The following FAM83D variants were observed in gnomAD, a reference collection of about 807,000 sequenced individuals.
FAM83D encodes the protein scaffolding CK1 anchoring protein D.
FAM83D carries 26 observed loss-of-function variants against 25.4 expected under a neutral mutation model. The observed-to-expected ratio is 1.02, with a 90% CI of 0.75 to 1.42. The LOEUF (loss-of-function observed/expected upper bound fraction) is 1.42. FAM83D is among the 40% of genes most tolerant of loss of function. The pLI is 0.00. For synonymous variants in FAM83D, 310 were observed against 318.5 expected, an observed-to-expected ratio of 0.97 and a Z score of 0.28; for missense variants, 740 against 758.1, an observed-to-expected ratio of 0.98 and a Z score of 0.28.
intron 2 of FAM83D, among the ~76,000 whole-genome samples, chr20:38,945,106 C>T (rs2085721311): frequency 6.6e-6 from 1 of 152,236 alleles, no homozygotes; most frequent in East Asian, 1.9e-4. Flanking sequence ...TGCTCTGCCT[C>T]TGTAGCTGGT....
intron 1 of FAM83D, among the ~76,000 whole-genome samples, chr20:38,932,264 T>A (rs923666997): frequency 2.0e-5 from 3 of 152,194 alleles, no homozygotes; most frequent in African/African-American, 7.2e-5. Flanking sequence ...CATGTGCCTG[T>A]AGTTCCAGCT....
chr20:38,947,074 C>T (rs2085731555), intron 2 of FAM83D, among the ~76,000 whole-genome samples: 1 of 152,192 alleles, frequency 6.6e-6, no homozygotes, highest in African/African-American at 2.4e-5. Flanking sequence ...AAAAATCTTA[C>T]ACGTTTAATT....
rs2085761581 is a variant in FAM83D at position 38,952,574 on chromosome 20, G to C, written c.*54G>C. The C allele has an allele frequency of 1.8e-5, 27 of 1,537,614 alleles. No individual in the cohort carries two copies. The South Asian group carries it at 2.5e-4, about 14-fold the overall frequency. ...TCCAGGCTTACAGTGGACATCATCA[G>C]CTTCCTGCTTTAAAAAATATCTTAT... On this transcript the variant is annotated 3_prime_UTR_variant, in exon 4 of 4. Coordinates refer to ENST00000619850, the MANE Select transcript of FAM83D (RefSeq NM_030919.3).
chr20:38,926,764 C>T lies in FAM83D; in HGVS notation c.322C>T (p.Leu108=), dbSNP rs539294723. 1.9e-6 allele frequency: 3 copies of T among 1,547,424 alleles called. No individual in the cohort carries two copies. The highest frequency in any genetic ancestry group is 2.6e-6 in the Non-Finnish European group (3 of 1,152,788). ...SGTYFPEQSD[L]EPPLLELGWP... ...CACCTACTTCCCCGAGCAGTCGGAC[C>T]TGGAGCCACCGCTGTTGGAGCTTGG... The change falls in exon 1 of 4, where the codon CTG becomes TTG. Residue 108 remains leucine (L), a synonymous_variant. Transcript: ENST00000619850.
intron 1 of FAM83D, among the ~76,000 whole-genome samples, chr20:38,930,967 G>A (rs1014441184): frequency 4.6e-5 from 7 of 151,732 alleles, no homozygotes; most frequent in Admixed American, 2.6e-4. Flanking sequence ...GATGGGTTTC[G>A]CCATGTTGCC....
chr20:38,928,473 C>T (rs1009661793), intron 1 of FAM83D, among the ~76,000 whole-genome samples: 5 of 152,068 alleles, frequency 3.3e-5, no homozygotes, highest in Non-Finnish European at 7.4e-5. Context: ...ATTTTCCTTG[C>T]GGGTTCAGTG....
intron 3 of FAM83D, among the ~76,000 whole-genome samples, chr20:38,950,866 G>A (rs1374897046): frequency 1.3e-5 from 2 of 151,948 alleles, no homozygotes; most frequent in Admixed American, 1.3e-4. Flanking sequence ...GCCCAGTCAT[G>A]GAATGTGCAG....
At chr20:38,945,024 T>C (rs1375735817) in intron 2 of FAM83D, among the ~76,000 whole-genome samples, 1 of 152,102 alleles carries the variant, frequency 6.6e-6, no homozygotes, top group Non-Finnish European at 1.5e-5. Context: ...TCTTCCCTGG[T>C]TGCTTGTGTC....
chr20:38,942,162 A>T (rs747799069), intron 2 of FAM83D, 36 bp downstream of exon 2: 1 of 1,607,070 alleles, frequency 6.2e-7, no homozygotes, highest in Non-Finnish European at 8.5e-7. Flanking sequence ...CACCATAGTC[A>T]ACAAATATGA....
intron 1 of FAM83D, among the ~76,000 whole-genome samples, chr20:38,934,749 C>G (rs2085671804): frequency 6.6e-6 from 1 of 152,052 alleles, no homozygotes; most frequent in East Asian, 1.9e-4. Flanking sequence ...TGTGAATGAA[C>G]CGATTCGTCT....
chr20:38,926,635 G>T lies in FAM83D; in HGVS notation c.193G>T (p.Val65Leu). 6.5e-7 allele frequency: 1 copy of T among 1,538,864 alleles called. No individual in the cohort carries two copies. Among genetic ancestry groups the T allele is most frequent in the Non-Finnish European group, 8.7e-7 (1 of 1,148,022 alleles). The change falls in exon 1 of 4, where the codon GTG becomes TTG. Residue 65 changes from valine (V) to leucine (L), a missense_variant. Physicochemically the swap from Val to Leu is conservative, Grantham distance 32 (BLOSUM62 1). This residue lies in a region of FAM83D where 333 missense variants were observed against 298.6 expected (regional missense o/e 1.12). Coordinates refer to ENST00000619850, the MANE Select transcript of FAM83D (RefSeq NM_030919.3). ...GGCTCGTTTCCTGAACCCCGATGAG[G>T]TGCACGCCATTCTGCGCGCGGCGGA... is the stretch of plus-strand genomic sequence containing the variant. ...RLARFLNPDE[V>L]HAILRAAERP...
At position 38,951,790 on chromosome 20, in the gene FAM83D, A is replaced by G. The variant is rs778010697; in HGVS notation, c.1028A>G (p.Lys343Arg). ...RLARLSSTPRKADLDPEMPAE... is the reference protein window; with the variant it reads ...RLARLSSTPRRADLDPEMPAE... ...GCTAGGCTGTCAAGTACTCCCAGGAAGGCGGACCTGGACCCAGAGATGCCC... is the reference window on the plus strand; with the variant it reads ...GCTAGGCTGTCAAGTACTCCCAGGAGGGCGGACCTGGACCCAGAGATGCCC... Residue 343 changes from lysine to arginine, a missense_variant, in exon 4 of 4, where the codon AAG (lysine) becomes AGG (arginine). Lys to Arg is a conservative substitution (Grantham distance 26). Coordinates refer to ENST00000619850, the MANE Select transcript of FAM83D (RefSeq NM_030919.3). 1.4e-5 allele frequency: 23 copies of G among 1,614,110 alleles called. No individual in the cohort carries two copies. Among genetic ancestry groups the G allele is most frequent in the Non-Finnish European group, 1.8e-5 (21 of 1,180,052 alleles).
chr20:38,929,821 T>A (rs899848264), intron 1 of FAM83D, among the ~76,000 whole-genome samples: 1 of 151,666 alleles, frequency 6.6e-6, no homozygotes, highest in Non-Finnish European at 1.5e-5. Context: ...TAATGCTTTC[T>A]GTTTGCCAGG....
At chr20:38,948,689 G>A (rs1424142964) in intron 3 of FAM83D, among the ~76,000 whole-genome samples, 1 of 152,202 alleles carries the variant, frequency 6.6e-6, no homozygotes, top group Non-Finnish European at 1.5e-5. Flanking sequence ...CTGATGGTTT[G>A]CATGAGGTGT....
At chr20:38,938,161 G>C (rs1002200867) in intron 1 of FAM83D, among the ~76,000 whole-genome samples, 1 of 152,184 alleles carries the variant, frequency 6.6e-6, no homozygotes, top group Non-Finnish European at 1.5e-5. Flanking sequence ...TAGCAAATTA[G>C]GTATTTACTC....
chr20:38,946,197 CAAAAAAAAA>C (rs56740383), intron 2 of FAM83D, among the ~76,000 whole-genome samples: 1 of 78,558 alleles, frequency 1.3e-5, no homozygotes, highest in South Asian at 5.9e-4. Flanking sequence ...GACTCCACCT[CAAAAAAAAA>C]AAAAAAAAAA....
Position 38,951,804 on chromosome 20 carries a change from C to T in FAM83D, c.1042C>T (p.Pro348Ser). ...SSTPRKADLD[P>S]EMPAEGKAER... ...TACTCCCAGGAAGGCGGACCTGGAC[C>T]CAGAGATGCCCGCAGAGGGCAAGGC... The change falls in exon 4 of 4, where the codon CCA becomes TCA. Residue 348 changes from proline to serine, a missense_variant. Pro to Ser is a moderately conservative substitution (Grantham distance 74). Around this residue, in one of 3 missense-constraint regions of FAM83D, gnomAD observed 375 missense variants for 403.2 expected, o/e 0.93. Transcript: ENST00000619850. The T allele has an allele frequency of 2.5e-6, 4 of 1,614,172 alleles. No individual in the cohort carries two copies. The highest frequency in any genetic ancestry group is 3.4e-6 in the Non-Finnish European group (4 of 1,180,030).
intron 3 of FAM83D, among the ~76,000 whole-genome samples, chr20:38,951,057 A>G (rs766612242): frequency 2.0e-5 from 3 of 152,148 alleles, no homozygotes; most frequent in Non-Finnish European, 4.4e-5. Flanking sequence ...TCCTGACCTC[A>G]AAGGATCTGC....
chr20:38,931,740 A>T (rs903483358), intron 1 of FAM83D, among the ~76,000 whole-genome samples: 3 of 152,248 alleles, frequency 2.0e-5, no homozygotes, highest in Non-Finnish European at 4.4e-5. Flanking sequence ...TTGCAGCCTG[A>T]AGCGCTGGTT....
Sources: allele counts gnomAD v4.1 joint callset (sites outside exome capture counted in the v4.1 genomes callset), GRCh38; gene constraint gnomAD v4.1.1; regional missense constraint gnomAD v4.1.1; transcripts MANE v1.5; gene names NCBI Gene and HGNC (gene_info 2026-07-23, HGNC 2026-07-21).